Variants in BYSL observed in about 807,000 individuals in gnomAD.
The protein encoded by BYSL is bystin.
In BYSL, 21 loss-of-function variants were observed where a neutral mutation model predicts 45.4. The ratio of observed to expected loss-of-function variants is 0.46; its 90% CI spans 0.33 to 0.67. BYSL has a LOEUF of 0.67. BYSL is among the 30% of genes least tolerant of loss of function. BYSL has a pLI of 0.02. For synonymous variants in BYSL, 215 were observed against 231.3 expected (o/e 0.93, Z 0.64); for missense variants, 522 against 578.5 (o/e 0.90, Z 1.00).
intron 1 of BYSL, among the ~76,000 whole-genome samples, chr6:41,925,689 TA>T (rs1775554571): frequency 6.7e-6 from 1 of 148,506 alleles, no homozygotes; most frequent in African/African-American, 2.5e-5. Flanking sequence ...TTTATTTATT[TA>T]TTTTTTTGAG....
At chr6:41,910,875 A>C in the BYSL span, among the ~76,000 whole-genome samples, 1 of 151,236 alleles carries the variant, frequency 6.6e-6, no homozygotes, top group East Asian at 2.0e-4. Context: ...TTGGGAGGCC[A>C]AGGTGGGTGG....
rs779744979 is a variant in BYSL at position 41,927,318 on chromosome 6, C to G, written c.269-56C>G. The G allele has an allele frequency of 5.0e-5, 79 of 1,594,794 alleles. No individual in the cohort carries two copies. In the South Asian group the frequency reaches 8.1e-4, roughly 16 times the overall value. On this transcript the variant is annotated intron_variant, in intron 1 of 6. Transcript: ENST00000230340. ...TACATAATGGCTAAAGTTAAACTGACGAAATCCCTCAGCTACCTTTTGCTG... is the reference window on the plus strand; with the variant it reads ...TACATAATGGCTAAAGTTAAACTGAGGAAATCCCTCAGCTACCTTTTGCTG...
At chr6:41,921,022 G>A (rs191509830), upstream of BYSL, 2,635 of 1,612,728 alleles carry the variant, frequency 1.6e-3, 25 homozygotes, top group Admixed American at 1.3e-3. Context: ...CTCCCATGGC[G>A]TCGGGCCAGG....
the BYSL span, among the ~76,000 whole-genome samples, chr6:41,911,120 A>G: frequency 2.9e-4 from 43 of 150,432 alleles, no homozygotes; most frequent in African/African-American, 1.0e-3. Flanking sequence ...AAAAAAAAAA[A>G]GCTGACAATC....
Position 41,930,727 on chromosome 6 carries a change from G to C in BYSL, c.663G>C (p.Glu221Asp), listed in dbSNP as rs926742140. ...GGGAGCAAATCCTCTACGTCACAGA[G>C]CCGGAGGCCTGGACTGCAGCTGCCA... is the stretch of plus-strand genomic sequence containing the variant. ...SNWEQILYVTEPEAWTAAAMY... is the reference protein window; with the variant it reads ...SNWEQILYVTDPEAWTAAAMY... The change falls in exon 4 of 7, where the codon GAG becomes GAC. Residue 221 changes from glutamate (E) to aspartate (D), a missense_variant. Transcript: ENST00000230340. The C allele has an allele frequency of 1.2e-6, 2 of 1,613,930 alleles. No homozygotes were observed. Among genetic ancestry groups the C allele is most frequent in the Admixed American group, 1.7e-5 (1 of 59,994 alleles).
upstream of BYSL, among the ~76,000 whole-genome samples, chr6:41,916,517 T>C (rs1194238817): frequency 6.7e-6 from 1 of 149,226 alleles, no homozygotes; most frequent in African/African-American, 2.5e-5. Context: ...GAGGTGGAGG[T>C]TGCAGTGAGC....
At chr6:41,914,670 G>C in the BYSL span, among the ~76,000 whole-genome samples, 1 of 151,292 alleles carries the variant, frequency 6.6e-6, no homozygotes, top group Non-Finnish European at 1.5e-5. Context: ...AGTGAGCTGT[G>C]ATCATGCTAC....
rs370310725 is a variant in BYSL at position 41,927,362 on chromosome 6, C to T, written c.269-12C>T. 21 of 1,613,548 alleles carry T rather than the reference C, an allele frequency of 1.3e-5. No individual in the cohort carries two copies. The highest frequency in any genetic ancestry group is 1.6e-4 in the Middle Eastern group (1 of 6,080). On this transcript the variant is annotated splice_polypyrimidine_tract_variant and intron_variant, in intron 1 of 6. Coordinates refer to ENST00000230340, the MANE Select transcript of BYSL (RefSeq NM_004053.4). ...TTTGCTGTGCTCATCCATTTAGTCT[C>T]CCCTCTTCTAGGTCCAAGAATGCCT...
At chr6:41,914,338 G>A in the BYSL span, among the ~76,000 whole-genome samples, 1 of 152,148 alleles carries the variant, frequency 6.6e-6, no homozygotes, top group African/African-American at 2.4e-5. Context: ...AATCTTCTCT[G>A]GTGCCTCTCA....
chr6:41,915,850 G>A, the BYSL span, among the ~76,000 whole-genome samples: 1 of 150,762 alleles, frequency 6.6e-6, no homozygotes, highest in Non-Finnish European at 1.5e-5. Context: ...GATATGTTTA[G>A]TACCTTGGTT....
At chr6:41,928,734 C>A (rs1487247460) in intron 2 of BYSL, among the ~76,000 whole-genome samples, 1 of 152,202 alleles carries the variant, frequency 6.6e-6, no homozygotes, top group Non-Finnish European at 1.5e-5. Flanking sequence ...AGCACCTTAA[C>A]TCAAGACTTC....
upstream of BYSL, among the ~76,000 whole-genome samples, chr6:41,919,175 A>G (rs1252823689): frequency 6.6e-6 from 1 of 151,684 alleles, no homozygotes; most frequent in Non-Finnish European, 1.5e-5. Context: ...GTACAGCACA[A>G]AGAGGTTAAA....
upstream of BYSL, among the ~76,000 whole-genome samples, chr6:41,919,128 C>CAAAAAAAA (rs35512146): frequency 2.2e-5 from 1 of 44,890 alleles, no homozygotes; most frequent in Non-Finnish European, 4.4e-5. Context: ...GACTCTGCCT[C>CAAAAAAAA]AAAAAAAAAA....
upstream of BYSL, chr6:41,916,776 C>G: frequency 6.2e-7 from 1 of 1,613,918 alleles, no homozygotes; most frequent in Non-Finnish European, 8.5e-7. Context: ...ACAGACCCAT[C>G]TCACTGACCT....
upstream of BYSL, chr6:41,916,950 G>C (rs369921112): frequency 4.3e-6 from 7 of 1,613,578 alleles, no homozygotes; most frequent in Admixed American, 6.7e-5. Context: ...CTGGAAAGGA[G>C]AGCACCAAAT....
upstream of BYSL, chr6:41,917,015 C>T (rs1347941372): frequency 6.7e-7 from 1 of 1,503,240 alleles, no homozygotes; most frequent in Admixed American, 1.7e-5. Flanking sequence ...TCGCCCACAG[C>T]ATCACAGCTC....
intron 2 of BYSL, chr6:41,927,787 C>A: frequency 2.2e-6 from 1 of 448,624 alleles, no homozygotes; most frequent in South Asian, 2.8e-5. Context: ...CAGTTCCAGG[C>A]CCCTTTTACA....
upstream of BYSL, chr6:41,916,794 C>T (rs1282969794): frequency 7.4e-6 from 12 of 1,614,002 alleles, no homozygotes; most frequent in South Asian, 1.3e-4. Flanking sequence ...CCTTGGCTGC[C>T]AAGGGTAGAG....
chr6:41,921,935 G>T lies in BYSL; in HGVS notation c.268+105G>T, dbSNP rs41273802. The stretch of plus-strand genomic sequence containing the variant: ...GGAATTGCTTCGAGTCAACAAAGGG[G>T]TCCGTATTACACTTGCAAAGGAGAC... On this transcript the variant is annotated intron_variant, in intron 1 of 6. Coordinates refer to ENST00000230340, the MANE Select transcript of BYSL (RefSeq NM_004053.4). The T allele has an allele frequency of 8.1e-3, 11,557 of 1,429,012 alleles. 195 individuals are homozygous for T. Among genetic ancestry groups the T allele is most frequent in the South Asian group, 0.058 (4,097 of 70,678 alleles). The allele number at this position is 1,429,012 out of a possible 1,614,324, so 88.5% of individuals were successfully genotyped here.
Sources: gnomAD v4.1 joint callset for allele counts (sites outside exome capture counted in the v4.1 genomes callset) on GRCh38, gnomAD v4.1.1 for gene constraint, MANE v1.5 for transcripts, NCBI Gene and HGNC (gene_info 2026-07-23, HGNC 2026-07-21) for gene names.